Variants in UBE2K observed in about 807,000 individuals in gnomAD.
The protein encoded by UBE2K is ubiquitin conjugating enzyme E2 K, also known as ubiquitin-conjugating enzyme E2 K.
UBE2K carries 6 observed loss-of-function variants against 30.0 expected under a neutral mutation model. The ratio of observed to expected loss-of-function variants is 0.20; its 90% confidence interval spans 0.11 to 0.39. The LOEUF is 0.39. Among genes scored for constraint, UBE2K ranks in the 10% least tolerant of loss-of-function variants. The pLI is 1.00. For synonymous variants in UBE2K, 86 were observed against 83.7 expected, an observed-to-expected ratio of 1.03 and a Z score of -0.15; for missense variants, 61 against 241.6, an observed-to-expected ratio of 0.25 and a Z score of 4.96.
chr4:39,728,830 T>TTTG (rs1553876216), intron 1 of UBE2K, among the ~76,000 whole-genome samples: 1 of 149,906 alleles, frequency 6.7e-6, no homozygotes, highest in Non-Finnish European at 1.5e-5. Flanking sequence ...TTTTTTTGTT[T>TTTG]TTTTTTTTTT....
chr4:39,743,529 G>A (rs754399621), intron 2 of UBE2K, among the ~76,000 whole-genome samples: 8 of 151,736 alleles, frequency 5.3e-5, no homozygotes, highest in African/African-American at 9.7e-5. Context: ...GCGTGAACCC[G>A]GGAGGCGGAG....
intron 1 of UBE2K, among the ~76,000 whole-genome samples, chr4:39,735,019 G>A (rs1360010554): frequency 6.6e-6 from 1 of 152,052 alleles, no homozygotes; most frequent in Non-Finnish European, 1.5e-5. Flanking sequence ...CTTTTTGGAG[G>A]GGGGATTGTG....
At chr4:39,714,516 T>TCATC (rs1718896998) in intron 1 of UBE2K, 2 of 77,710 alleles carry the variant, frequency 2.6e-5, no homozygotes, top group African/African-American at 1.5e-4. Context: ...TTTAGAAGTT[T>TCATC]CATATATATA....
At chr4:39,755,600 C>G in intron 3 of UBE2K, 57 bp from the exon 4 acceptor site, 1 of 1,240,344 alleles carries the variant, frequency 8.1e-7, no homozygotes, top group Non-Finnish European at 1.2e-6. Context: ...TCTTGTAGTT[C>G]TACTTAAACT....
At position 39,752,660 on chromosome 4, in the gene UBE2K, GT is replaced by G. The variant is rs1421333586; in HGVS notation, c.217-2996del. 7.9e-5 allele frequency among the ~76,000 whole-genome samples: 12 copies of G among 152,230 alleles called. No individual in the cohort carries two copies. The East Asian group carries it at 2.3e-3, about 29-fold the overall frequency. On this transcript the variant is annotated intron_variant, in intron 3 of 6. Coordinates refer to ENST00000261427, the MANE Select transcript of UBE2K (RefSeq NM_005339.5). ...CACCATTTTAAAGTTATAAAATGCT[GT>G]GAATTCCTTGAGTTCTGACATTATG...
chr4:39,771,130 T>C (rs1712791135), intron 4 of UBE2K: 4 of 1,612,556 alleles, frequency 2.5e-6, no homozygotes, highest in Non-Finnish European at 3.4e-6. Context: ...GGCTGTAAGA[T>C]AGTTGACGAT....
At chr4:39,698,937 G>C (rs1202540369) in intron 1 of UBE2K, among the ~76,000 whole-genome samples, 2 of 152,206 alleles carry the variant, frequency 1.3e-5, no homozygotes, top group Non-Finnish European at 2.9e-5. Flanking sequence ...GTCCTTCTTA[G>C]TTGGGTGTTA....
chr4:39,773,840 G>A (rs1348379083), intron 4 of UBE2K, among the ~76,000 whole-genome samples: 3 of 151,920 alleles, frequency 2.0e-5, no homozygotes. Flanking sequence ...AGAATAGCGT[G>A]AACCCGGGAG....
chr4:39,710,743 G>A (rs551131503), intron 1 of UBE2K, among the ~76,000 whole-genome samples: 2 of 152,198 alleles, frequency 1.3e-5, no homozygotes, highest in African/African-American at 2.4e-5. Context: ...GGTTATGGTA[G>A]AAAGAGTTAT....
chr4:39,701,917 C>T (rs942571580), intron 1 of UBE2K, among the ~76,000 whole-genome samples: 8 of 151,524 alleles, frequency 5.3e-5, no homozygotes, highest in South Asian at 2.1e-4. Context: ...CCCGCCACCA[C>T]GCCCAGCTAA....
At chr4:39,745,661 A>G in intron 2 of UBE2K, 91 bp from the exon 3 acceptor site, 1 of 806,696 alleles carries the variant, frequency 1.2e-6, no homozygotes, top group Non-Finnish European at 2.0e-6. Flanking sequence ...AATTGAATAT[A>G]AAATAGCTGC....
chr4:39,734,696 C>G (rs1368596996), intron 1 of UBE2K, among the ~76,000 whole-genome samples: 1 of 152,128 alleles, frequency 6.6e-6, no homozygotes. Flanking sequence ...CCTCTCGTCC[C>G]AGCGACTGGT....
At chr4:39,743,046 G>GA (rs34032249) in intron 2 of UBE2K, among the ~76,000 whole-genome samples, 16,509 of 133,896 alleles carry the variant, frequency 0.12, 1,005 homozygotes, top group East Asian at 0.24. Flanking sequence ...CCTGTCTCAG[G>GA]AAAAAAAAAA....
At chr4:39,747,836 C>T (rs1338254306) in intron 3 of UBE2K, among the ~76,000 whole-genome samples, 4 of 149,674 alleles carry the variant, frequency 2.7e-5, no homozygotes, top group Non-Finnish European at 4.4e-5. Flanking sequence ...GAGTCTCGCT[C>T]TGCCGCCCAG....
chr4:39,744,432 A>G (rs1387208503), intron 2 of UBE2K, among the ~76,000 whole-genome samples: 1 of 151,292 alleles, frequency 6.6e-6, no homozygotes, highest in African/African-American at 2.4e-5. Context: ...TCAGCCTCCC[A>G]AAGTGCTGGT....
chr4:39,768,265 C>G (rs1415288270), intron 4 of UBE2K, among the ~76,000 whole-genome samples: 1 of 125,492 alleles, frequency 8.0e-6, no homozygotes, highest in Non-Finnish European at 1.6e-5. Flanking sequence ...ACGGTAAAAC[C>G]CCGTCTCTAC....
intron 3 of UBE2K, among the ~76,000 whole-genome samples, chr4:39,753,637 A>G (rs1014195069): frequency 5.9e-5 from 9 of 152,208 alleles, no homozygotes; most frequent in Non-Finnish European, 1.5e-5. Flanking sequence ...AAGAAGTGAT[A>G]TGGAAAGTGA....
chr4:39,736,090 A>C (rs1720363657), intron 1 of UBE2K, among the ~76,000 whole-genome samples: 1 of 152,114 alleles, frequency 6.6e-6, no homozygotes, highest in Non-Finnish European at 1.5e-5. Context: ...AAGTTTAAGA[A>C]AGTCAGTCTA....
intron 3 of UBE2K, among the ~76,000 whole-genome samples, chr4:39,749,041 A>C (rs1560365614): frequency 6.6e-6 from 1 of 152,176 alleles, no homozygotes; most frequent in Non-Finnish European, 1.5e-5. Context: ...CTTAATTTTA[A>C]GTCTTATGAG....
Sources: allele counts gnomAD v4.1 joint callset (sites outside exome capture counted in the v4.1 genomes callset), GRCh38; gene constraint gnomAD v4.1.1; transcripts MANE v1.5; gene names NCBI Gene and HGNC (gene_info 2026-07-23, HGNC 2026-07-21).